TSGA10: variants seen among roughly 807,000 people sequenced by gnomAD.
TSGA10 encodes the protein testis-specific gene 10 protein.
A neutral mutation model predicts 96.6 loss-of-function variants in TSGA10; 43 were observed. The observed-to-expected ratio is 0.44, with a 90% CI of 0.35 to 0.57. The LOEUF is 0.57. TSGA10 is among the 20% of genes least tolerant of loss of function. TSGA10 has a pLI of 0.01. For missense variants in TSGA10, 703 were observed against 834.4 expected, an observed-to-expected ratio of 0.84 and a Z score of 1.94; for synonymous variants, 229 against 269.9, an observed-to-expected ratio of 0.85 and a Z score of 1.48.
At chr2:99,130,448 C>T (rs1399854273) in intron 1 of TSGA10, among the ~76,000 whole-genome samples, 2 of 152,146 alleles carry the variant, frequency 1.3e-5, no homozygotes, top group Non-Finnish European at 2.9e-5. Flanking sequence ...TGTTCATATC[C>T]TTTGCCCACT....
At chr2:99,052,250 A>T (rs558958521) in intron 16 of TSGA10, among the ~76,000 whole-genome samples, 42 of 152,114 alleles carry the variant, frequency 2.8e-4, no homozygotes, top group African/African-American at 9.9e-4. Context: ...ACTAAGAAAA[A>T]AAGAAGTCTC....
chr2:99,149,442 CTT>C (rs35395900), intron 1 of TSGA10, among the ~76,000 whole-genome samples: 5 of 132,794 alleles, frequency 3.8e-5, no homozygotes, highest in Non-Finnish European at 4.7e-5. Flanking sequence ...ACATGATCAT[CTT>C]TTTTTTTTTT....
At chr2:99,136,067 T>C (rs897586886) in intron 1 of TSGA10, among the ~76,000 whole-genome samples, 1 of 151,478 alleles carries the variant, frequency 6.6e-6, no homozygotes, top group African/African-American at 2.4e-5. Context: ...AATTAATATA[T>C]GTTTTAACTT....
intron 2 of TSGA10, among the ~76,000 whole-genome samples, chr2:99,124,023 A>G (rs2092706419): frequency 6.6e-6 from 1 of 152,206 alleles, no homozygotes; most frequent in African/African-American, 2.4e-5. Flanking sequence ...TCATATTATT[A>G]GTCTGTCTTT....
intron 10 of TSGA10, among the ~76,000 whole-genome samples, chr2:99,087,766 A>T (rs1233702361): frequency 1.3e-5 from 2 of 152,184 alleles, no homozygotes; most frequent in South Asian, 2.1e-4. Flanking sequence ...AGACTAGTTT[A>T]AAAAAATCAT....
chr2:99,067,800 T>C (rs1005514126), intron 15 of TSGA10, among the ~76,000 whole-genome samples: 9 of 151,870 alleles, frequency 5.9e-5, no homozygotes, highest in African/African-American at 2.2e-4. Context: ...TGAGCCACGA[T>C]TGCACCACTG....
chr2:99,046,058 C>A (rs771880447), intron 16 of TSGA10, among the ~76,000 whole-genome samples: 12 of 152,050 alleles, frequency 7.9e-5, no homozygotes, highest in Non-Finnish European at 1.8e-4. Context: ...TACAGGAGCA[C>A]CCAGATGAAT....
At chr2:99,118,207 T>G (rs987332094) in intron 3 of TSGA10, among the ~76,000 whole-genome samples, 2 of 151,988 alleles carry the variant, frequency 1.3e-5, no homozygotes, top group Non-Finnish European at 2.9e-5. Context: ...TCCCAGCACT[T>G]TGGGAGGCTG....
chr2:99,045,229 A>G (rs956917678), intron 16 of TSGA10, among the ~76,000 whole-genome samples: 1 of 152,030 alleles, frequency 6.6e-6, no homozygotes, highest in Admixed American at 6.6e-5. Context: ...TCAAAAAATC[A>G]CTGATGCCAC....
Position 99,057,197 on chromosome 2 carries a change from A to G in TSGA10, c.1404+7742T>C, listed in dbSNP as rs2084108564. On this transcript the variant is annotated intron_variant, in intron 16 of 20. Transcript: ENST00000393483. Reference sequence around the variant, plus strand: ...TGCCCCTTCTGGACCCTTCTATTCAACACTGTACTAGAAGTTCTAGCCAGG... The same window carrying G: ...TGCCCCTTCTGGACCCTTCTATTCAGCACTGTACTAGAAGTTCTAGCCAGG... 1.2e-4 allele frequency among the ~76,000 whole-genome samples: 18 copies of G among 152,272 alleles called. No homozygotes were observed. In the South Asian group the frequency reaches 3.7e-3, roughly 32 times the overall value.
At chr2:98,999,005 C>T (rs1321872459) in intron 20 of TSGA10, among the ~76,000 whole-genome samples, 1 of 152,138 alleles carries the variant, frequency 6.6e-6, no homozygotes, top group African/African-American at 2.4e-5. Flanking sequence ...AAGCAAATCT[C>T]ATGCCTCAGC....
At chr2:99,018,065 A>G (rs2079684596) in intron 20 of TSGA10, 135 bp downstream of exon 20, 2 of 711,192 alleles carry the variant, frequency 2.8e-6, no homozygotes, top group African/African-American at 1.8e-5. Context: ...TGTATTTTAT[A>G]TCAATATATC....
chr2:99,021,242 T>C (rs1471417720), intron 17 of TSGA10, among the ~76,000 whole-genome samples: 3 of 151,738 alleles, frequency 2.0e-5, no homozygotes, highest in South Asian at 2.1e-4. Context: ...GGAAGGGAGA[T>C]AGGTAGGTAG....
intron 20 of TSGA10, among the ~76,000 whole-genome samples, chr2:99,012,229 A>G (rs1398169344): frequency 6.6e-6 from 1 of 152,220 alleles, no homozygotes; most frequent in African/African-American, 2.4e-5. Flanking sequence ...TTATGACATA[A>G]ATCTCACAGG....
intron 16 of TSGA10, among the ~76,000 whole-genome samples, chr2:99,055,228 T>A (rs916460050): frequency 1.7e-4 from 26 of 152,050 alleles, no homozygotes; most frequent in Admixed American, 1.2e-3. Context: ...ACCCTAGAGG[T>A]TCATTATGCT....
chr2:99,117,976 TC>T (rs2092365700), intron 3 of TSGA10, among the ~76,000 whole-genome samples: 1 of 152,178 alleles, frequency 6.6e-6, no homozygotes. Flanking sequence ...GCAATATCTT[TC>T]AAGACAATTT....
At chr2:99,051,700 A>T (rs1194498299) in intron 16 of TSGA10, among the ~76,000 whole-genome samples, 3 of 152,126 alleles carry the variant, frequency 2.0e-5, no homozygotes, top group Non-Finnish European at 4.4e-5. Flanking sequence ...TGCACATGAA[A>T]CATTCTCTAG....
chr2:99,043,348 A>G (rs1249153050), intron 16 of TSGA10, among the ~76,000 whole-genome samples: 1 of 152,158 alleles, frequency 6.6e-6, no homozygotes, highest in East Asian at 1.9e-4. Flanking sequence ...TTGATGAAGA[A>G]AAAAAGCAGA....
chr2:99,104,663 CAG>C (rs1450918983), intron 9 of TSGA10, among the ~76,000 whole-genome samples: 1 of 152,072 alleles, frequency 6.6e-6, no homozygotes, highest in Non-Finnish European at 1.5e-5. Flanking sequence ...TTAGTAGAGA[CAG>C]GGTTTCACCA....
Sources: allele counts gnomAD v4.1 joint callset (sites outside exome capture counted in the v4.1 genomes callset), GRCh38; gene constraint gnomAD v4.1.1; transcripts MANE v1.5; gene names NCBI Gene and HGNC (gene_info 2026-07-23, HGNC 2026-07-21).